The following DLGAP2 variants were observed in gnomAD, a reference collection of about 807,000 sequenced individuals.
DLGAP2 encodes the protein disks large-associated protein 2.
DLGAP2 carries 26 observed loss-of-function variants against 100.3 expected under a neutral mutation model. That is an observed-to-expected ratio of 0.26 (90% CI 0.19 to 0.36). The LOEUF (loss-of-function observed/expected upper bound fraction) is 0.36. Among genes scored for constraint, DLGAP2 ranks in the 10% least tolerant of loss-of-function variants. The pLI is 1.00. For synonymous variants in DLGAP2, 886 were observed against 630.1 expected (o/e 1.41, Z -6.08); for missense variants, 1,858 against 1,453.2 (o/e 1.28, Z -4.53).
intron 8 of DLGAP2, among the ~76,000 whole-genome samples, chr8:1,637,061 C>A (rs536628821): frequency 6.6e-6 from 1 of 152,192 alleles, no homozygotes; most frequent in Admixed American, 6.5e-5. Context: ...GTCTGGCCGC[C>A]GGCTGGCTCC....
Position 861,727 on chromosome 8 carries a change from C to T in DLGAP2, c.19-46185C>T, listed in dbSNP as rs552569880. ...GCGGTTGCAAACCTGGCGAGGCCTC[C>T]GTTCCTACTCAAGGGACAGCAGCGT... On this transcript the variant is annotated intron_variant, in intron 1 of 14. Coordinates refer to ENST00000637795, the MANE Select transcript of DLGAP2 (RefSeq NM_001346810.2). Among the ~76,000 whole-genome samples, 10 of 152,304 alleles carry T rather than the reference C, an allele frequency of 6.6e-5. No homozygotes were observed. The East Asian group carries it at 1.7e-3, about 26-fold the overall frequency.
intron 3 of DLGAP2, among the ~76,000 whole-genome samples, chr8:1,288,240 T>C (rs1230698682): frequency 2.3e-5 from 3 of 130,614 alleles, no homozygotes; most frequent in Non-Finnish European, 4.8e-5. Context: ...ACTAGTTTCG[T>C]TTCAGTGTGT....
intron 2 of DLGAP2, among the ~76,000 whole-genome samples, chr8:963,657 C>A (rs895406256): frequency 1.3e-5 from 2 of 151,856 alleles, no homozygotes; most frequent in African/African-American, 4.8e-5. Flanking sequence ...TGGTGACCCC[C>A]AGGACCTACT....
intron 3 of DLGAP2, among the ~76,000 whole-genome samples, chr8:1,362,083 G>A (rs1453219226): frequency 3.8e-5 from 5 of 133,214 alleles, no homozygotes; most frequent in African/African-American, 1.2e-4. Flanking sequence ...CAAGGAGAGC[G>A]GTACAGCTGG....
chr8:744,697 G>A (rs57973891), intron 1 of DLGAP2, among the ~76,000 whole-genome samples: 25,667 of 137,696 alleles, frequency 0.19, 3,207 homozygotes, highest in Admixed American at 0.25. Context: ...TCGCCCTCCC[G>A]GGGTGCTGGC....
intron 1 of DLGAP2, among the ~76,000 whole-genome samples, chr8:882,412 C>G (rs1584858454): frequency 6.9e-6 from 1 of 145,586 alleles, no homozygotes; most frequent in East Asian, 2.1e-4. Context: ...GGAGGCCTCT[C>G]CTGCGCGCAC....
intron 4 of DLGAP2, among the ~76,000 whole-genome samples, chr8:1,537,697 A>G (rs898494617): frequency 6.6e-6 from 1 of 150,992 alleles, no homozygotes; most frequent in East Asian, 2.0e-4. Context: ...ATGGAAGGAT[A>G]GATGGAAGGA....
At chr8:1,333,618 C>A (rs757733398) in intron 3 of DLGAP2, among the ~76,000 whole-genome samples, 1 of 152,162 alleles carries the variant, frequency 6.6e-6, no homozygotes, top group Non-Finnish European at 1.5e-5. Context: ...TAATAGGCAG[C>A]GACTGTGGCG....
intron 2 of DLGAP2, among the ~76,000 whole-genome samples, chr8:994,436 G>T (rs1384114719): frequency 6.6e-6 from 1 of 152,150 alleles, no homozygotes; most frequent in Admixed American, 6.5e-5. Context: ...CCGACCTCAG[G>T]TGATCCGTCT....
chr8:761,995 C>T (rs549346298), intron 1 of DLGAP2, among the ~76,000 whole-genome samples: 3 of 152,154 alleles, frequency 2.0e-5, no homozygotes, highest in East Asian at 3.9e-4. Context: ...CTGATGAACC[C>T]GCCTCGGGTG....
At chr8:1,150,375 C>G (rs981860427) in intron 2 of DLGAP2, among the ~76,000 whole-genome samples, 2 of 152,314 alleles carry the variant, frequency 1.3e-5, no homozygotes, top group African/African-American at 4.8e-5. Context: ...TCTTTGGCTT[C>G]TTATAATATT....
intron 2 of DLGAP2, among the ~76,000 whole-genome samples, chr8:1,241,712 T>C (rs1798800747): frequency 1.3e-5 from 2 of 151,026 alleles, no homozygotes; most frequent in Admixed American, 1.3e-4. Context: ...GTGTGTAATT[T>C]AGATTTTAAC....
At chr8:1,289,220 C>A (rs115428022) in intron 3 of DLGAP2, among the ~76,000 whole-genome samples, 282 of 152,266 alleles carry the variant, frequency 1.9e-3, no homozygotes, top group African/African-American at 6.6e-3. Context: ...CATCAAAAAC[C>A]ATTTAAAGAT....
At chr8:1,362,598 C>T (rs968720984) in intron 3 of DLGAP2, among the ~76,000 whole-genome samples, 3 of 152,128 alleles carry the variant, frequency 2.0e-5, no homozygotes, top group East Asian at 3.9e-4. Context: ...AAAATTCTGA[C>T]GCGAGGCCAT....
chr8:1,351,081 C>G (rs1261835103), intron 3 of DLGAP2, among the ~76,000 whole-genome samples: 21 of 14,114 alleles, frequency 1.5e-3, no homozygotes, highest in Admixed American at 3.3e-3. Flanking sequence ...TGTGTGGAAA[C>G]ACCGTGCGGG....
intron 5 of DLGAP2, among the ~76,000 whole-genome samples, chr8:1,550,017 C>A (rs774328272): frequency 6.6e-6 from 1 of 152,178 alleles, no homozygotes; most frequent in Admixed American, 6.5e-5. Context: ...CCAACATCTC[C>A]CAATTCTTCC....
intron 2 of DLGAP2, among the ~76,000 whole-genome samples, chr8:1,039,392 G>C (rs189303722): frequency 4.0e-5 from 6 of 149,162 alleles, no homozygotes; most frequent in African/African-American, 1.5e-4. Flanking sequence ...CTCGGTTTCC[G>C]TGCTAAGCTT....
At chr8:798,152 G>C (rs1015049875) in intron 1 of DLGAP2, among the ~76,000 whole-genome samples, 3 of 152,272 alleles carry the variant, frequency 2.0e-5, no homozygotes, top group African/African-American at 7.2e-5. Flanking sequence ...AAAGGGGCTG[G>C]TTCTCTGTCC....
At chr8:1,371,019 A>G (rs954786486) in intron 3 of DLGAP2, among the ~76,000 whole-genome samples, 12 of 152,248 alleles carry the variant, frequency 7.9e-5, no homozygotes, top group Admixed American at 2.0e-4. Flanking sequence ...AGCCACTTCT[A>G]ATACCATTCG....
Sources: allele counts gnomAD v4.1 joint callset (sites outside exome capture counted in the v4.1 genomes callset), GRCh38; gene constraint gnomAD v4.1.1; transcripts MANE v1.5; gene names NCBI Gene and HGNC (gene_info 2026-07-23, HGNC 2026-07-21).